Variants in BCOR observed in about 807,000 individuals in gnomAD.
BCOR encodes the protein BCL-6 corepressor.
A neutral mutation model predicts 86.7 loss-of-function variants in BCOR; 10 were observed. That is an observed-to-expected ratio of 0.12 (90% CI 0.07 to 0.20). The LOEUF is 0.20. BCOR is among the 10% of genes least tolerant of loss of function. The pLI, the probability that BCOR is intolerant of heterozygous loss-of-function variation, is 1.00. For synonymous variants in BCOR, 611 were observed against 609.0 expected, an observed-to-expected ratio of 1.00 and a Z score of -0.05; for missense variants, 1,259 against 1,452.1, an observed-to-expected ratio of 0.87 and a Z score of 2.16.
chrX:40,172,467 C>T (rs1014995461), intron 1 of BCOR, among the ~76,000 whole-genome samples: 2 of 113,458 alleles, frequency 1.8e-5, no homozygotes, highest in Non-Finnish European at 1.9e-5. Flanking sequence ...AGCACACAAC[C>T]GCCACGGGCT....
chrX:40,091,945 A>G (rs759908064), intron 1 of BCOR, among the ~76,000 whole-genome samples: 9 of 112,855 alleles, frequency 8.0e-5, no homozygotes, highest in African/African-American at 2.9e-4. Flanking sequence ...CACCGAGGCA[A>G]TAAGGAGGCT....
intron 1 of BCOR, among the ~76,000 whole-genome samples, chrX:40,093,058 C>G (rs1364788279): frequency 8.9e-6 from 1 of 112,423 alleles, no homozygotes; most frequent in Non-Finnish European, 1.9e-5. Context: ...GTCTCTGGAA[C>G]GCACTTACAG....
intron 1 of BCOR, among the ~76,000 whole-genome samples, chrX:40,130,321 C>T (rs1469043941): frequency 2.7e-5 from 3 of 112,047 alleles, no homozygotes; most frequent in Non-Finnish European, 5.6e-5. Context: ...TGCACTATGA[C>T]CTATCCTAAT....
chrX:40,103,358 G>A (rs1937108190), intron 1 of BCOR, among the ~76,000 whole-genome samples: 1 of 110,845 alleles, frequency 9.0e-6, no homozygotes, highest in Non-Finnish European at 1.9e-5. Context: ...ATTTCCAGCA[G>A]GCTATGTGTC....
intron 1 of BCOR, among the ~76,000 whole-genome samples, chrX:40,106,156 G>A (rs1937178105): frequency 8.9e-6 from 1 of 111,923 alleles, no homozygotes; most frequent in African/African-American, 3.2e-5. Context: ...TCCGGCGGCG[G>A]AGCTGACCTG....
chrX:40,120,016 A>C (rs1263355642), intron 1 of BCOR, among the ~76,000 whole-genome samples: 1 of 91,842 alleles, frequency 1.1e-5, no homozygotes, highest in African/African-American at 4.0e-5. Context: ...AATCACGTGA[A>C]TAGAAGCAAA....
At chrX:40,162,206 A>T (rs1938437429) in intron 1 of BCOR, among the ~76,000 whole-genome samples, 1 of 112,298 alleles carries the variant, frequency 8.9e-6, no homozygotes. Flanking sequence ...CTTCTGGATC[A>T]GAGACATAAT....
chrX:40,120,835 G>A (rs1032687166), intron 1 of BCOR, among the ~76,000 whole-genome samples: 7 of 112,299 alleles, frequency 6.2e-5, no homozygotes, highest in Non-Finnish European at 1.3e-4. Flanking sequence ...AAGAAAAGTG[G>A]GAGCAGGAAA....
intron 2 of BCOR, 27 bp downstream of exon 2, chrX:40,077,817 A>C: frequency 8.4e-7 from 1 of 1,193,788 alleles, no homozygotes; most frequent in Non-Finnish European, 1.1e-6. Flanking sequence ...GGCTCCACTC[A>C]GGCCCGGCCC....
At chrX:40,153,517 T>C (rs189720537) in intron 1 of BCOR, among the ~76,000 whole-genome samples, 20 of 111,876 alleles carry the variant, frequency 1.8e-4, no homozygotes, top group African/African-American at 4.9e-4. Flanking sequence ...TAACCTTTCC[T>C]GCATCCAAGG....
chrX:40,165,450 C>T (rs1206277308), intron 1 of BCOR, among the ~76,000 whole-genome samples: 1 of 112,326 alleles, frequency 8.9e-6, no homozygotes, highest in East Asian at 2.8e-4. Flanking sequence ...GTCCGCAGTG[C>T]ACAACTAGGC....
intron 1 of BCOR, among the ~76,000 whole-genome samples, chrX:40,157,328 T>C (rs184739890): frequency 1.8e-5 from 2 of 111,724 alleles, no homozygotes; most frequent in East Asian, 5.6e-4. Context: ...GGCCCAGTCT[T>C]GGGTTTATTG....
intron 1 of BCOR, among the ~76,000 whole-genome samples, chrX:40,088,137 A>G (rs1272416948): frequency 8.9e-6 from 1 of 112,088 alleles, no homozygotes; most frequent in African/African-American, 3.2e-5. Context: ...CAAAACAAAC[A>G]GATCCTCGAA....
chrX:40,069,964 G>A (rs1935391227), intron 6 of BCOR, among the ~76,000 whole-genome samples: 1 of 112,299 alleles, frequency 8.9e-6, no homozygotes, highest in Non-Finnish European at 1.9e-5. Flanking sequence ...GGTGGCCTTA[G>A]TCTGCTCCCA....
chrX:40,067,463 C>T (rs955791612), intron 6 of BCOR, among the ~76,000 whole-genome samples: 1 of 111,929 alleles, frequency 8.9e-6, no homozygotes, highest in East Asian at 2.8e-4. Context: ...TCCAAGTCCC[C>T]ACCATTCCCC....
intron 8 of BCOR, 43 bp downstream of exon 8, chrX:40,063,565 C>T: frequency 1.8e-6 from 2 of 1,116,360 alleles, no homozygotes; most frequent in Non-Finnish European, 2.5e-6. Flanking sequence ...ATGACCCACC[C>T]TCCAGGAGCG....
At chrX:40,154,432 T>C (rs1938242086) in intron 1 of BCOR, among the ~76,000 whole-genome samples, 1 of 111,852 alleles carries the variant, frequency 8.9e-6, no homozygotes, top group East Asian at 2.8e-4. Flanking sequence ...TCCTCCCCCT[T>C]TGTTCTCCTC....
In BCOR at chrX:40,075,244, A is replaced by G. The variant is rs1172865354; in HGVS notation, c.166-64T>C. The G allele has an allele frequency of 6.0e-6, 6 of 994,298 alleles. No homozygotes were observed. The African/African-American group carries it at 1.0e-4, about 17-fold the overall frequency. The allele number at this position is 994,298 out of a possible 1,213,427, so 81.9% of individuals were successfully genotyped here. A position where few individuals can be genotyped will look rare whatever the true frequency, so the allele number is the denominator to read the frequency against. ...CTTCAAGGCAGCAGCACCCAAAGAC[A>G]CTGCCAACTAGTTCAACATGCCATC... On this transcript the variant is annotated intron_variant, in intron 3 of 14. Transcript: ENST00000378444.
chrX:40,160,895 G>A (rs1938403144), intron 1 of BCOR, among the ~76,000 whole-genome samples: 1 of 102,914 alleles, frequency 9.7e-6, no homozygotes, highest in African/African-American at 3.6e-5. Context: ...GGCTGGTCGC[G>A]AACTCCTGAG....
Sources: gnomAD v4.1 joint callset for allele counts (sites outside exome capture counted in the v4.1 genomes callset) on GRCh38, gnomAD v4.1.1 for gene constraint, MANE v1.5 for transcripts, NCBI Gene and HGNC (gene_info 2026-07-23, HGNC 2026-07-21) for gene names.